The following KIF6 variants were observed in gnomAD, a reference collection of about 807,000 sequenced individuals.
The protein encoded by KIF6 is kinesin-like protein KIF6.
A neutral mutation model predicts 112.7 loss-of-function variants in KIF6; 106 were observed. The ratio of observed to expected loss-of-function variants is 0.94; its 90% confidence interval spans 0.80 to 1.11. KIF6 has a LOEUF of 1.11. Among genes scored for constraint, KIF6 ranks in the 50% least tolerant of loss-of-function variants. The pLI, the probability that KIF6 is intolerant of heterozygous loss-of-function variation, is 0.00. For missense variants in KIF6, 929 were observed against 964.0 expected (o/e 0.96, Z 0.48); for synonymous variants, 339 against 339.9 (o/e 1.00, Z 0.03).
intron 13 of KIF6, among the ~76,000 whole-genome samples, chr6:39,460,385 G>T: frequency 1.2e-5 from 1 of 81,154 alleles, no homozygotes; most frequent in East Asian, 4.3e-4. Flanking sequence ...GGGGTGGGGG[G>T]AGGGGGGAGG....
intron 1 of KIF6, among the ~76,000 whole-genome samples, chr6:39,723,746 G>A (rs1457685416): frequency 6.6e-5 from 10 of 152,120 alleles, no homozygotes; most frequent in Non-Finnish European, 2.9e-5. Flanking sequence ...GCCTGTCGTG[G>A]GGTGGGAGGC....
chr6:39,536,393 A>G (rs1778427191), intron 13 of KIF6, among the ~76,000 whole-genome samples: 1 of 152,186 alleles, frequency 6.6e-6, no homozygotes, highest in African/African-American at 2.4e-5. Context: ...ATCACCACTG[A>G]TCCCACAGAA....
chr6:39,346,107 CT>C (rs1438337289), intron 20 of KIF6, among the ~76,000 whole-genome samples: 34 of 49,818 alleles, frequency 6.8e-4, no homozygotes, highest in Non-Finnish European at 9.6e-4. Context: ...CCCTCCCCCC[CT>C]CCCTCTCCCT....
At position 39,648,226 on chromosome 6, in the gene KIF6, G is replaced by GGT. The variant is rs1554140766; in HGVS notation, c.252-8470_252-8469insAC. Among the ~76,000 whole-genome samples the GGT allele has an allele frequency of 7.5e-3, 814 of 109,134 alleles. 13 individuals are homozygous for GGT. The highest frequency in any genetic ancestry group is 0.026 in the African/African-American group (737 of 28,302). 71.6% of individuals were successfully genotyped at this position (109,134 alleles called of 152,430 possible). ...TTTAGTAGAGACGGGGGGCGGGCGGGGGGGGGTGCCTCACCATGTTGGCCA... is the reference window on the plus strand; with the variant it reads ...TTTAGTAGAGACGGGGGGCGGGCGGGGTGGGGGGTGCCTCACCATGTTGGCCA... On this transcript the variant is annotated intron_variant, in intron 3 of 22. Coordinates refer to ENST00000287152, the MANE Select transcript of KIF6 (RefSeq NM_145027.6).
chr6:39,668,488 TCTC>T (rs147908410), intron 3 of KIF6, among the ~76,000 whole-genome samples: 4,086 of 152,198 alleles, frequency 0.027, 81 homozygotes, highest in Non-Finnish European at 0.043. Context: ...CTACTGAACA[TCTC>T]CTCACAGAAT....
chr6:39,346,886 T>G (rs530361532), intron 19 of KIF6, among the ~76,000 whole-genome samples: 266 of 152,236 alleles, frequency 1.7e-3, no homozygotes, highest in Non-Finnish European at 3.3e-3. Flanking sequence ...TGACCTCAGG[T>G]GATCCACCCA....
At chr6:39,696,883 C>A (rs914707218) in intron 3 of KIF6, among the ~76,000 whole-genome samples, 4 of 151,662 alleles carry the variant, frequency 2.6e-5, no homozygotes, top group Non-Finnish European at 5.9e-5. Flanking sequence ...CTACAATCAA[C>A]TCAAAATGTA....
intron 13 of KIF6, among the ~76,000 whole-genome samples, chr6:39,507,304 G>GA (rs1215093914): frequency 6.6e-6 from 1 of 152,150 alleles, no homozygotes; most frequent in Non-Finnish European, 1.5e-5. Context: ...GCTAGGAATG[G>GA]AAAAATCCCA....
At position 39,720,754 on chromosome 6, in the gene KIF6, G is replaced by A. The variant is rs538661685; in HGVS notation, c.124C>T (p.Arg42Cys). ...LIPSLEIILP[R>C]DLADGFVNNK... ...TTCACAAACCCATCTGCCAAATCAC[G>A]TGGTAAGATGATTTCCAAGCTAGGT... Residue 42 changes from arginine to cysteine, a missense_variant, in exon 2 of 23, where the codon CGT (arginine) becomes TGT (cysteine). By Grantham distance (180) the Arg-to-Cys change is radical. Around this residue, in one of 2 missense-constraint regions of KIF6, gnomAD observed 688 missense variants for 662.7 expected, o/e 1.04. Transcript: ENST00000287152. The A allele has an allele frequency of 1.2e-6, 2 of 1,609,998 alleles. No individual in the cohort carries two copies. The highest frequency in any genetic ancestry group is 1.7e-4 in the Middle Eastern group (1 of 6,052).
chr6:39,544,237 C>T (rs903288513), intron 12 of KIF6, among the ~76,000 whole-genome samples: 1 of 152,058 alleles, frequency 6.6e-6, no homozygotes, highest in Non-Finnish European at 1.5e-5. Context: ...GAGAACACAA[C>T]AGAGGAGCCA....
intron 10 of KIF6, among the ~76,000 whole-genome samples, chr6:39,573,893 C>G (rs1275600355): frequency 6.6e-6 from 1 of 152,162 alleles, no homozygotes; most frequent in Non-Finnish European, 1.5e-5. Context: ...ATTTGTGCCC[C>G]ACTCAGGGCC....
chr6:39,456,802 A>T (rs1449000833), intron 13 of KIF6, among the ~76,000 whole-genome samples: 2 of 135,128 alleles, frequency 1.5e-5, no homozygotes, highest in Admixed American at 7.6e-5. Flanking sequence ...AAAGGGATCA[A>T]TTCAACAAGA....
intron 15 of KIF6, among the ~76,000 whole-genome samples, chr6:39,389,315 G>C (rs1767676848): frequency 2.0e-5 from 3 of 152,180 alleles, no homozygotes; most frequent in African/African-American, 7.2e-5. Flanking sequence ...TGGCTGGCCT[G>C]GAGGAGAGCT....
intron 13 of KIF6, among the ~76,000 whole-genome samples, chr6:39,501,922 T>C (rs1189622792): frequency 6.6e-6 from 1 of 152,096 alleles, no homozygotes; most frequent in Non-Finnish European, 1.5e-5. Context: ...CAGGAAATCA[T>C]CCAGGAGAAC....
At chr6:39,681,220 C>T (rs1205774192) in intron 3 of KIF6, among the ~76,000 whole-genome samples, 1 of 152,106 alleles carries the variant, frequency 6.6e-6, no homozygotes, top group Non-Finnish European at 1.5e-5. Flanking sequence ...AAGGAAAGAT[C>T]TTCATAATAT....
At chr6:39,385,262 A>G (rs9349118) in intron 16 of KIF6, among the ~76,000 whole-genome samples, 8,399 of 152,254 alleles carry the variant, frequency 0.055, 342 homozygotes, top group East Asian at 0.21. Flanking sequence ...TTCATCATTA[A>G]CTATTTCTGT....
intron 1 of KIF6, 59 bp downstream of exon 1, chr6:39,725,186 G>T (rs1031400776): frequency 3.4e-6 from 5 of 1,478,286 alleles, no homozygotes; most frequent in Admixed American, 3.6e-5. Flanking sequence ...GCGTGCCGCC[G>T]CCCGACCCCA....
At chr6:39,406,109 G>A (rs756693332) in intron 15 of KIF6, among the ~76,000 whole-genome samples, 6 of 151,990 alleles carry the variant, frequency 3.9e-5, no homozygotes, top group African/African-American at 7.2e-5. Context: ...TGCAACCTCC[G>A]CCTGGGTTCA....
At chr6:39,510,707 A>C (rs1776725692) in intron 13 of KIF6, among the ~76,000 whole-genome samples, 1 of 152,044 alleles carries the variant, frequency 6.6e-6, no homozygotes, top group Non-Finnish European at 1.5e-5. Flanking sequence ...ATTAACCTTA[A>C]ATGTAAATGG....
Sources: allele counts gnomAD v4.1 joint callset (sites outside exome capture counted in the v4.1 genomes callset), GRCh38; gene constraint gnomAD v4.1.1; regional missense constraint gnomAD v4.1.1; transcripts MANE v1.5; gene names NCBI Gene and HGNC (gene_info 2026-07-23, HGNC 2026-07-21).